The following DACH1 variants were observed in gnomAD, a reference collection of about 807,000 sequenced individuals.
DACH1 encodes the protein dachshund family transcription factor 1.
In DACH1, 12 loss-of-function variants were observed where a neutral mutation model predicts 54.2. The ratio of observed to expected loss-of-function variants is 0.22; its 90% CI spans 0.14 to 0.36. The LOEUF is 0.36. Ranked by LOEUF, DACH1 falls within the 10% of genes least tolerant of loss-of-function variation. The pLI is 1.00. For synonymous variants in DACH1, 386 were observed against 366.2 expected (o/e 1.05, Z -0.62); for missense variants, 805 against 929.8 (o/e 0.87, Z 1.75).
At chr13:71,531,852 A>G (rs1199759861) in intron 6 of DACH1, among the ~76,000 whole-genome samples, 1 of 151,902 alleles carries the variant, frequency 6.6e-6, no homozygotes, top group East Asian at 1.9e-4. Context: ...GTTCGATCAC[A>G]TTGAGTATTT....
chr13:71,475,248 T>C (rs1375997254), intron 9 of DACH1, 39 bp from the exon 10 acceptor site: 1 of 1,500,468 alleles, frequency 6.7e-7, no homozygotes, highest in Non-Finnish European at 9.3e-7. Flanking sequence ...CATATTTCAT[T>C]TGATTCCTAT....
rs11379542 is a variant in DACH1, at chr13:71,450,169, CT to C, written c.2084-9478del. ...TTCATTTTATTGTGGGACACAGATA[CT>C]TTTTTTTTTTTTTTGGTTTTTTGTT... On this transcript the variant is annotated intron_variant, in intron 10 of 10. Transcript: ENST00000613252. Among the ~76,000 whole-genome samples the C allele has an allele frequency of 4.2e-3, 591 of 141,346 alleles. 3 individuals are homozygous for C. Among genetic ancestry groups the C allele is most frequent in the African/African-American group, 0.014 (535 of 38,486 alleles). The allele number at this position is 141,346 out of a possible 152,430, so 92.7% of individuals were successfully genotyped here.
intron 2 of DACH1, among the ~76,000 whole-genome samples, chr13:71,632,397 A>G (rs1258478471): frequency 1.3e-5 from 2 of 150,296 alleles, no homozygotes; most frequent in African/African-American, 4.9e-5. Flanking sequence ...TGAGAAGATA[A>G]ATATCCCCAA....
intron 6 of DACH1, among the ~76,000 whole-genome samples, chr13:71,550,556 T>C (rs954610960): frequency 1.2e-4 from 18 of 152,292 alleles, no homozygotes; most frequent in Admixed American, 1.2e-3. Context: ...TTTATACCAA[T>C]TGCCCATCAT....
At chr13:71,767,466 T>C (rs1233317209) in intron 1 of DACH1, among the ~76,000 whole-genome samples, 5 of 152,136 alleles carry the variant, frequency 3.3e-5, no homozygotes, top group African/African-American at 1.2e-4. Flanking sequence ...TGACCCATAT[T>C]GAAGACTGAA....
chr13:71,489,392 C>T (rs1171262308), intron 6 of DACH1, among the ~76,000 whole-genome samples: 1 of 151,960 alleles, frequency 6.6e-6, no homozygotes, highest in Non-Finnish European at 1.5e-5. Context: ...GTTTACAGTG[C>T]CATAGAATCT....
At position 71,700,720 on chromosome 13, in the gene DACH1, T is replaced by C. The variant is rs539295337; in HGVS notation, c.849-18810A>G. On this transcript the variant is annotated intron_variant, in intron 1 of 10. Transcript: ENST00000613252. ...GACAGCCCTGAATGCACAGATATAG[T>C]AATACTGTAATATGGCAAGAAAGAA... 3.3e-5 allele frequency among the ~76,000 whole-genome samples: 5 copies of C among 152,232 alleles called. No individual in the cohort carries two copies. The East Asian group carries it at 9.7e-4, about 29-fold the overall frequency.
chr13:71,658,882 T>C (rs1879312818), intron 2 of DACH1, among the ~76,000 whole-genome samples: 1 of 146,938 alleles, frequency 6.8e-6, no homozygotes, highest in African/African-American at 2.7e-5. Flanking sequence ...TGCACACATT[T>C]TGATTTTTAA....
chr13:71,477,170 G>A (rs2138177775), intron 8 of DACH1, among the ~76,000 whole-genome samples: 1 of 131,374 alleles, frequency 7.6e-6, no homozygotes, highest in South Asian at 2.4e-4. Flanking sequence ...GCCCAGGCTG[G>A]AGTGCAGTGG....
At chr13:71,774,088 C>G (rs991452384) in intron 1 of DACH1, among the ~76,000 whole-genome samples, 1 of 151,910 alleles carries the variant, frequency 6.6e-6, no homozygotes, top group Non-Finnish European at 1.5e-5. Flanking sequence ...AGTGATGTGA[C>G]TCCCTGGGTT....
At chr13:71,574,898 A>G (rs907486921) in intron 3 of DACH1, among the ~76,000 whole-genome samples, 2 of 152,028 alleles carry the variant, frequency 1.3e-5, no homozygotes, top group Non-Finnish European at 2.9e-5. Flanking sequence ...TCACAAATTT[A>G]TACACCTTAC....
Position 71,494,265 on chromosome 13 carries a change from A to AT in DACH1, c.1571-5118dup, listed in dbSNP as rs946582103. Among the ~76,000 whole-genome samples the AT allele has an allele frequency of 7.3e-5, 11 of 151,306 alleles. No individual in the cohort carries two copies. In the East Asian group the frequency reaches 1.2e-3, roughly 16 times the overall value. ...TGCAATTTTGATACTTTGAATTTTG[A>AT]TTTTTTTTTCCTGGGTTAGCAATAT... On this transcript the variant is annotated intron_variant, in intron 6 of 10. Coordinates refer to ENST00000613252, the MANE Select transcript of DACH1 (RefSeq NM_080759.6).
At chr13:71,622,394 T>C (rs897420725) in intron 3 of DACH1, among the ~76,000 whole-genome samples, 9 of 151,968 alleles carry the variant, frequency 5.9e-5, no homozygotes, top group African/African-American at 2.2e-4. Context: ...AAAATATGTA[T>C]TAGCAAACAT....
chr13:71,464,578 G>A (rs1566274762), intron 10 of DACH1: 3 of 436,584 alleles, frequency 6.9e-6, no homozygotes, highest in African/African-American at 6.1e-5. Flanking sequence ...TCCTTTGAAA[G>A]ATTAATTAAT....
chr13:71,810,684 A>G (rs1887675109), intron 1 of DACH1, among the ~76,000 whole-genome samples: 1 of 152,192 alleles, frequency 6.6e-6, no homozygotes, highest in Non-Finnish European at 1.5e-5. Flanking sequence ...TAGCACAATG[A>G]TATCTAAAAG....
chr13:71,560,069 T>C (rs936628832), intron 4 of DACH1, 114 bp from the exon 5 acceptor site: 2 of 1,183,896 alleles, frequency 1.7e-6, no homozygotes, highest in African/African-American at 1.6e-5. Context: ...GAATAAACAC[T>C]TTACTTCATC....
rs1270054158 is a variant in DACH1, at chr13:71,866,705, G to A, written c.65C>T (p.Thr22Met). ...QLVPPQPPIS[T>M]SASSSGTTTS... ...GGTGGTGCCAGAGGAGGAAGCAGACGTGGAGATTGGGGGTTGAGGGGGGAC... is the reference window on the plus strand; with the variant it reads ...GGTGGTGCCAGAGGAGGAAGCAGACATGGAGATTGGGGGTTGAGGGGGGAC... The change falls in exon 1 of 11, where the codon ACG (threonine) becomes ATG (methionine). Residue 22 changes from threonine to methionine, a missense_variant. Around this residue, in one of 3 missense-constraint regions of DACH1, gnomAD observed 305 missense variants for 308.7 expected, o/e 0.99. Coordinates refer to ENST00000613252, the MANE Select transcript of DACH1 (RefSeq NM_080759.6). 4.1e-6 allele frequency: 6 copies of A among 1,454,704 alleles called. No homozygotes were observed. The South Asian group carries it at 6.2e-5, about 15-fold the overall frequency. The allele number at this position is 1,454,704 out of a possible 1,614,324, so 90.1% of individuals were successfully genotyped here.
At chr13:71,756,998 T>G (rs1257326018) in intron 1 of DACH1, among the ~76,000 whole-genome samples, 1 of 148,614 alleles carries the variant, frequency 6.7e-6, no homozygotes, top group Non-Finnish European at 1.5e-5. Context: ...ATACTGTGAC[T>G]GTTTGATTTT....
intron 10 of DACH1, among the ~76,000 whole-genome samples, chr13:71,447,629 C>T (rs1395728935): frequency 2.6e-5 from 4 of 151,758 alleles, no homozygotes; most frequent in African/African-American, 9.7e-5. Flanking sequence ...GTCAGGAAAT[C>T]GAGACCATCC....
Sources: allele counts gnomAD v4.1 joint callset (sites outside exome capture counted in the v4.1 genomes callset), GRCh38; gene constraint gnomAD v4.1.1; regional missense constraint gnomAD v4.1.1; transcripts MANE v1.5; gene names NCBI Gene and HGNC (gene_info 2026-07-23, HGNC 2026-07-21).